ADAM12: variants seen among roughly 807,000 people sequenced by gnomAD.
ADAM12 encodes ADAM metallopeptidase domain 12.
ADAM12 carries 70 observed loss-of-function variants against 106.4 expected under a neutral mutation model. That is an observed-to-expected ratio of 0.66 (90% CI 0.54 to 0.80). The LOEUF (loss-of-function observed/expected upper bound fraction) is 0.80. ADAM12 is among the 30% of genes least tolerant of loss of function. The probability of loss-of-function intolerance (pLI) is 0.00; values close to 1 mark genes in which losing one functional copy is unlikely to be tolerated. For synonymous variants in ADAM12, 420 were observed against 433.5 expected (o/e 0.97, Z 0.39); for missense variants, 1,010 against 1,171.9 (o/e 0.86, Z 2.02).
At chr10:126,209,354 C>T (rs1006863404) in intron 3 of ADAM12, among the ~76,000 whole-genome samples, 1 of 152,154 alleles carries the variant, frequency 6.6e-6, no homozygotes, top group African/African-American at 2.4e-5. Flanking sequence ...ATAAAAATGC[C>T]TAACAATTAC....
At chr10:126,272,620 C>T (rs1056836231) in intron 3 of ADAM12, among the ~76,000 whole-genome samples, 1 of 152,194 alleles carries the variant, frequency 6.6e-6, no homozygotes, top group Non-Finnish European at 1.5e-5. Flanking sequence ...GTTCCATCGA[C>T]ATTTGTTTAG....
chr10:126,117,888 ATGTCTAC>A lies in ADAM12; in HGVS notation c.603+143_603+149del. On this transcript the variant is annotated intron_variant, in intron 6 of 22. Coordinates refer to ENST00000448723, the MANE Select transcript of ADAM12 (RefSeq NM_001288973.2). ...GCTTATGGTTGTGTCCCACTGTATA[ATGTCTAC>A]CACCTCCAGATAAACTGGGCACTTC... The A allele has an allele frequency of 4.6e-4, 69 of 150,688 alleles. 30 individuals carry two copies. Among genetic ancestry groups the A allele is most frequent in the East Asian group, 1.2e-3 (8 of 6,738 alleles). 9.3% of individuals were successfully genotyped at this position (150,688 alleles called of 1,614,324 possible).
chr10:126,359,363 C>T (rs1331269939), intron 1 of ADAM12, among the ~76,000 whole-genome samples: 1 of 152,174 alleles, frequency 6.6e-6, no homozygotes, highest in Non-Finnish European at 1.5e-5. Context: ...TCCAAAGTCT[C>T]ATCCGAGACA....
rs145719183 is a variant in ADAM12 at position 126,044,048 on chromosome 10, G to A, written c.1996-900C>T. Among the ~76,000 whole-genome samples the A allele has an allele frequency of 1.5e-3, 229 of 152,262 alleles. 1 individual carries two copies. The highest frequency in any genetic ancestry group is 5.4e-3 in the African/African-American group (224 of 41,532). The stretch of plus-strand genomic sequence containing the variant: ...AAGCCTGTCCATGCTGGTTGGACTC[G>A]CTATTATGCCAGATGTAACTAACTG... On this transcript the variant is annotated intron_variant, in intron 17 of 22. Coordinates refer to ENST00000448723, the MANE Select transcript of ADAM12 (RefSeq NM_001288973.2).
chr10:126,353,069 C>A (rs140524521), intron 1 of ADAM12, among the ~76,000 whole-genome samples: 2 of 152,190 alleles, frequency 1.3e-5, no homozygotes, highest in African/African-American at 4.8e-5. Flanking sequence ...TCCTCCCATT[C>A]GTGGAACATC....
At position 126,307,610 on chromosome 10, in the gene ADAM12, G is replaced by A. The variant is rs554123282; in HGVS notation, c.186+22802C>T. Among the ~76,000 whole-genome samples, 17 of 152,020 alleles carry A rather than the reference G, an allele frequency of 1.1e-4. No individual in the cohort carries two copies. In the East Asian group the frequency reaches 2.9e-3, roughly 26 times the overall value. On this transcript the variant is annotated intron_variant, in intron 2 of 22. Coordinates refer to ENST00000448723, the MANE Select transcript of ADAM12 (RefSeq NM_001288973.2). ...GGCTGGAGTGCAGTGGCGCGATCTC[G>A]GCTCACCACAACCTCCGCCTCCCAG...
intron 3 of ADAM12, among the ~76,000 whole-genome samples, chr10:126,236,714 C>G (rs28670867): frequency 6.6e-6 from 1 of 151,508 alleles, no homozygotes; most frequent in African/African-American, 2.4e-5. Flanking sequence ...GAAGGAGCAC[C>G]TGCAGGAAGG....
rs373748710 is a variant in ADAM12 at position 126,155,832 on chromosome 10, T to C, written c.261-527A>G. On this transcript the variant is annotated intron_variant, in intron 3 of 22. Transcript: ENST00000448723. Reference sequence around the variant, plus strand: ...AATATTGAAATGTCACAGAAGAGAATAGAACAGCAATGAAATGCTAAAAGC... The same window carrying C: ...AATATTGAAATGTCACAGAAGAGAACAGAACAGCAATGAAATGCTAAAAGC... 2.6e-5 allele frequency among the ~76,000 whole-genome samples: 4 copies of C among 152,060 alleles called. No individual in the cohort carries two copies. The South Asian group carries it at 6.2e-4, about 24-fold the overall frequency.
chr10:126,039,153 G>T (rs1374077790), intron 19 of ADAM12, 141 bp downstream of exon 19: 4 of 953,132 alleles, frequency 4.2e-6, no homozygotes, highest in Non-Finnish European at 6.1e-6. Context: ...TAGAGACGGG[G>T]TTTCACCGTG....
chr10:126,251,530 T>A (rs1334284093), intron 3 of ADAM12, among the ~76,000 whole-genome samples: 1 of 27,304 alleles, frequency 3.7e-5, no homozygotes, highest in African/African-American at 6.0e-5. Context: ...ATGGACAGGA[T>A]GGATAGATGG....
At chr10:126,339,022 C>A (rs1029846397) in intron 1 of ADAM12, among the ~76,000 whole-genome samples, 5 of 152,154 alleles carry the variant, frequency 3.3e-5, no homozygotes, top group African/African-American at 1.2e-4. Flanking sequence ...CACCTTCTGC[C>A]AAAATACACA....
intron 3 of ADAM12, among the ~76,000 whole-genome samples, chr10:126,242,833 T>C (rs914459474): frequency 6.6e-6 from 1 of 152,060 alleles, no homozygotes; most frequent in Non-Finnish European, 1.5e-5. Flanking sequence ...GAGACAGAGC[T>C]CTTGCTGGCT....
intron 1 of ADAM12, among the ~76,000 whole-genome samples, chr10:126,370,128 G>T (rs1401918674): frequency 6.6e-6 from 1 of 152,174 alleles, no homozygotes; most frequent in Non-Finnish European, 1.5e-5. Flanking sequence ...ATCCTTCCCA[G>T]TTGAGCCTTT....
intron 2 of ADAM12, among the ~76,000 whole-genome samples, chr10:126,318,241 C>A (rs970168758): frequency 6.6e-6 from 1 of 152,066 alleles, no homozygotes; most frequent in Non-Finnish European, 1.5e-5. Flanking sequence ...CTCTCACACA[C>A]ACTCTCACAC....
rs1954058652 is a variant in ADAM12 at position 126,036,277 on chromosome 10, G to A, written c.2398C>T (p.Pro800Ser). The change falls in exon 21 of 23, where the codon CCC becomes TCC. Residue 800 changes from proline to serine, a missense_variant. Transcript: ENST00000448723. ...TGAGGGACATTCAGGCCGTTGAGGG[G>A]TCTGCTGATGTCAACATTCTGACAC... Reference protein sequence around the residue: ...LQCQNVDISRPLNGLNVPQPQ... With the variant: ...LQCQNVDISRSLNGLNVPQPQ... 1 of 1,561,156 alleles carries A rather than the reference G, an allele frequency of 6.4e-7. No homozygotes were observed. Among genetic ancestry groups the A allele is most frequent in the Non-Finnish European group, 8.6e-7 (1 of 1,160,478 alleles).
intron 4 of ADAM12, among the ~76,000 whole-genome samples, chr10:126,140,047 C>T (rs1228640251): frequency 2.0e-5 from 3 of 152,170 alleles, no homozygotes; most frequent in Admixed American, 6.5e-5. Flanking sequence ...TAGCCCTGGG[C>T]ACACGGCAGG....
intron 3 of ADAM12, among the ~76,000 whole-genome samples, chr10:126,180,936 G>A (rs1233004378): frequency 6.6e-6 from 1 of 152,184 alleles, no homozygotes; most frequent in African/African-American, 2.4e-5. Flanking sequence ...TCTGAAGGAG[G>A]AAAGTTCAGA....
chr10:126,377,600 A>G (rs947789761), intron 1 of ADAM12, among the ~76,000 whole-genome samples: 1 of 152,192 alleles, frequency 6.6e-6, no homozygotes, highest in Non-Finnish European at 1.5e-5. Flanking sequence ...ACCCTCACAG[A>G]TACACCCAGG....
chr10:126,166,494 T>TTTTTTTG (rs3069591), intron 3 of ADAM12, among the ~76,000 whole-genome samples: 49,868 of 151,222 alleles, frequency 0.33, 8,668 homozygotes, highest in Non-Finnish European at 0.4. Context: ...CAGGTTTCTT[T>TTTTTTTG]TTTTTTGTTT....
Sources: allele counts gnomAD v4.1 joint callset (sites outside exome capture counted in the v4.1 genomes callset), GRCh38; gene constraint gnomAD v4.1.1; transcripts MANE v1.5; gene names NCBI Gene and HGNC (gene_info 2026-07-23, HGNC 2026-07-21).